Variants in YARS1 observed in about 807,000 individuals in gnomAD.
YARS1 encodes tyrosine--tRNA ligase, cytoplasmic.
A neutral mutation model predicts 62.2 loss-of-function variants in YARS1; 36 were observed. That is an observed-to-expected ratio of 0.58 (90% CI 0.44 to 0.76). The LOEUF (loss-of-function observed/expected upper bound fraction) is 0.76. Ranked by LOEUF, YARS1 falls within the 30% of genes least tolerant of loss-of-function variation. The probability of loss-of-function intolerance (pLI) is 0.00; values close to 1 mark genes in which losing one functional copy is unlikely to be tolerated. For synonymous variants in YARS1, 234 were observed against 244.9 expected, an observed-to-expected ratio of 0.96 and a Z score of 0.42; for missense variants, 524 against 639.8, an observed-to-expected ratio of 0.82 and a Z score of 1.95.
At chr1:32,797,446 A>G (rs182760843) in intron 5 of YARS1, 1 of 425,860 alleles carries the variant, frequency 2.3e-6, no homozygotes. Flanking sequence ...AGTAGTTCCA[A>G]CTGGTAATGC....
At chr1:32,793,484 A>G (rs1653478840) in intron 5 of YARS1, among the ~76,000 whole-genome samples, 2 of 152,140 alleles carry the variant, frequency 1.3e-5, no homozygotes, top group African/African-American at 4.8e-5. Flanking sequence ...CTCCAAAAAA[A>G]AATACAAAAA....
At position 32,810,776 on chromosome 1, in the gene YARS1, A is replaced by C; in HGVS notation, c.205-10T>G. 6.2e-7 allele frequency: 1 copy of C among 1,614,152 alleles called. No homozygotes were observed. On this transcript the variant is annotated splice_polypyrimidine_tract_variant and intron_variant, in intron 2 of 12. Transcript: ENST00000373477. ...CAAACAGAATTGTTACCTGGACAAG[A>C]GATAAGGGGCCACCAAAATGTGAAT...
At chr1:32,809,277 G>A (rs1441556271) in intron 3 of YARS1, among the ~76,000 whole-genome samples, 1 of 152,038 alleles carries the variant, frequency 6.6e-6, no homozygotes, top group Non-Finnish European at 1.5e-5. Flanking sequence ...TAGTAGAGAT[G>A]GGGTTTCGCC....
rs1052280745 is a variant in YARS1 at position 32,800,274 on chromosome 1, G to A, written c.511-2431C>T. Among the ~76,000 whole-genome samples, 9 of 152,080 alleles carry A rather than the reference G, an allele frequency of 5.9e-5. No individual in the cohort carries two copies. The South Asian group carries it at 1.0e-3, about 18-fold the overall frequency. The stretch of plus-strand genomic sequence containing the variant: ...TGGGATTACAGGTGCCAGCCACTGC[G>A]CCCAGCTCCAGGTTTAACCTTGGAA... On this transcript the variant is annotated intron_variant, in intron 4 of 12. Transcript: ENST00000373477.
At chr1:32,788,554 C>A (rs1421172322) in intron 6 of YARS1, among the ~76,000 whole-genome samples, 1 of 152,174 alleles carries the variant, frequency 6.6e-6, no homozygotes, top group Non-Finnish European at 1.5e-5. Flanking sequence ...GCCTCAGCCT[C>A]CCAAGTAGCT....
rs1652875535 is a variant in YARS1, at chr1:32,776,818, T to C, written c.1477-727A>G. On this transcript the variant is annotated intron_variant, in intron 12 of 12. Transcript: ENST00000373477. The surrounding 1 kb of genome is among the most constrained non-coding windows in gnomAD (Gnocchi z 4.0). ...CGTCTCTACTAAAATTACAAAAAAT[T>C]AGCCGGGTGTGGTGGTGGGGCGCCT... Among the ~76,000 whole-genome samples the C allele has an allele frequency of 6.6e-6, 1 of 151,790 alleles. No homozygotes were observed. The highest frequency in any genetic ancestry group is 2.4e-5 in the African/African-American group (1 of 41,364).
chr1:32,813,934 CT>C (rs1638639501), intron 1 of YARS1, among the ~76,000 whole-genome samples: 1 of 152,098 alleles, frequency 6.6e-6, no homozygotes, highest in Non-Finnish European at 1.5e-5. Context: ...TTCTTTGCAA[CT>C]GTTCTTATTT....
At chr1:32,780,941 A>T in intron 10 of YARS1, 107 bp downstream of exon 10, 1 of 997,992 alleles carries the variant, frequency 1.0e-6, no homozygotes, top group Non-Finnish European at 1.6e-6. Flanking sequence ...GACTTGCAAT[A>T]TGACCTCAGG....
rs1291619326 is a variant in YARS1, at chr1:32,781,035, GA to G, written c.1140+12del. On this transcript the variant is annotated intron_variant, in intron 10 of 12. Coordinates refer to ENST00000373477, the MANE Select transcript of YARS1 (RefSeq NM_003680.4). ...CCAATCTGCCTCTCTGAGATGTGGTGAAAAATGAGTACCTTCTCCACAGTGA... is the reference window on the plus strand; with the variant it reads ...CCAATCTGCCTCTCTGAGATGTGGTGAAAATGAGTACCTTCTCCACAGTGA... 1 of 1,613,406 alleles carries G rather than the reference GA, an allele frequency of 6.2e-7. No homozygotes were observed. The highest frequency in any genetic ancestry group is 8.5e-7 in the Non-Finnish European group (1 of 1,179,324).
intron 6 of YARS1, among the ~76,000 whole-genome samples, chr1:32,788,678 G>A (rs1349861620): frequency 6.6e-6 from 1 of 152,084 alleles, no homozygotes; most frequent in African/African-American, 2.4e-5. Flanking sequence ...TGATTCACCC[G>A]CCTTGGCCTC....
Position 32,810,734 on chromosome 1 carries a change from G to C in YARS1, c.237C>G (p.Tyr79Ter), listed in dbSNP as rs965890133. 1 of 1,613,992 alleles carries C rather than the reference G, an allele frequency of 6.2e-7. No homozygotes were observed. The highest frequency in any genetic ancestry group is 8.5e-7 in the Non-Finnish European group (1 of 1,180,028). Residue 79 changes from tyrosine (Y) to a stop codon, truncating the protein, a stop_gained, in exon 3 of 13, where the codon TAC becomes TAG. Transcript: ENST00000373477. LOFTEE classifies it high-confidence loss of function. ...CCCATGGGGCTTTCATGTTATCCAG[G>C]TATGCGTGGAGGTCCGCAAACAGAA... ...VTILFADLHAYLDNMKAPWEL... is the reference protein window; with the variant it reads ...VTILFADLHA
intron 1 of YARS1, among the ~76,000 whole-genome samples, chr1:32,812,785 C>T (rs757607737): frequency 1.3e-5 from 2 of 152,140 alleles, no homozygotes; most frequent in African/African-American, 4.8e-5. Flanking sequence ...GCCTGGCCAA[C>T]ATGGTGAAAC....
At chr1:32,817,111 C>A in intron 1 of YARS1, 77 bp downstream of exon 1, 2 of 1,579,300 alleles carry the variant, frequency 1.3e-6, no homozygotes, top group Non-Finnish European at 1.7e-6. Flanking sequence ...ATACTTAGAA[C>A]CCCGTAATGG....
chr1:32,781,105 C>T lies in YARS1; in HGVS notation c.1083G>A (p.Glu361=). The T allele has an allele frequency of 6.2e-7, 1 of 1,614,206 alleles. No homozygotes were observed. The highest frequency in any genetic ancestry group is 2.2e-5 in the East Asian group (1 of 44,880). ...AKGPAKNSEP[E]EVIPSRLDIR... ...TATCCAGCCGGGATGGGATGACCTC[C>T]TCTGGTTCTGAATTCTTGGCAGGGC... The change falls in exon 10 of 13, where the codon GAG becomes GAA. Residue 361 remains glutamate, a synonymous_variant. Transcript: ENST00000373477.
intron 4 of YARS1, among the ~76,000 whole-genome samples, chr1:32,798,579 G>A (rs1653677357): frequency 6.6e-6 from 1 of 152,212 alleles, no homozygotes; most frequent in South Asian, 2.1e-4. Flanking sequence ...GCTCACGCCT[G>A]TAATCCCAGC....
chr1:32,786,844 C>T, intron 7 of YARS1, 96 bp downstream of exon 7: 1 of 1,525,306 alleles, frequency 6.6e-7, no homozygotes, highest in Admixed American at 1.8e-5. Flanking sequence ...GGCAGCCAGT[C>T]CCTGAAGGAA....
At chr1:32,798,818 G>A (rs1199873929) in intron 4 of YARS1, among the ~76,000 whole-genome samples, 5 of 152,100 alleles carry the variant, frequency 3.3e-5, no homozygotes, top group African/African-American at 9.7e-5. Context: ...GTGAAGCCCT[G>A]TCTCAAAAAA....
chr1:32,798,110 T>G (rs1653663806), intron 4 of YARS1: 2 of 418,966 alleles, frequency 4.8e-6, no homozygotes, highest in East Asian at 5.4e-5. Context: ...GAGCTCACCT[T>G]GGCCACCCAC....
Position 32,782,150 on chromosome 1 carries a change from G to C in YARS1, c.1042+254C>G, listed in dbSNP as rs111651315. On this transcript the variant is annotated intron_variant, in intron 9 of 12. Transcript: ENST00000373477. The stretch of plus-strand genomic sequence containing the variant: ...AGAGGCAGATTTAACAAACAGACTA[G>C]AAGGACCAAAGTATACATCTTACAC... The C allele has an allele frequency of 1.1e-3, 609 of 555,976 alleles. 8 individuals carry two copies. The highest frequency in any genetic ancestry group is 0.011 in the African/African-American group (566 of 52,900). The allele number at this position is 555,976 out of a possible 1,614,324, so 34.4% of individuals were successfully genotyped here.
Sources: gnomAD v4.1 joint callset for allele counts (sites outside exome capture counted in the v4.1 genomes callset) on GRCh38, gnomAD v4.1.1 for gene constraint, Gnocchi (gnomAD v3.1) non-coding constraint, MANE v1.5 for transcripts, NCBI Gene and HGNC (gene_info 2026-07-23, HGNC 2026-07-21) for gene names.